The following PRKCD variants were observed in gnomAD, a reference collection of about 807,000 sequenced individuals.
PRKCD encodes protein kinase C delta type.
PRKCD carries 20 observed loss-of-function variants against 82.2 expected under a neutral mutation model. The ratio of observed to expected loss-of-function variants is 0.24; its 90% CI spans 0.17 to 0.35. PRKCD has a LOEUF of 0.35. Ranked by LOEUF, PRKCD falls within the 10% of genes least tolerant of loss-of-function variation. PRKCD has a pLI of 1.00. For synonymous variants in PRKCD, 317 were observed against 337.0 expected (o/e 0.94, Z 0.65); for missense variants, 607 against 899.0 (o/e 0.68, Z 4.15).
Position 53,169,962 on chromosome 3 carries a change from G to A in PRKCD, c.-20+4747G>A, listed in dbSNP as rs1240788749. ...TGTCCGCTGCCTGCTGTGGGATGGC[G>A]CACCATGCGGGATGGTCCTGCCTCT... On this transcript the variant is annotated intron_variant, in intron 2 of 18. Coordinates refer to ENST00000330452, the MANE Select transcript of PRKCD (RefSeq NM_006254.4). The surrounding 1 kb of genome is among the most constrained non-coding windows in gnomAD (Gnocchi z 4.7). Among the ~76,000 whole-genome samples, 2 of 152,314 alleles carry A rather than the reference G, an allele frequency of 1.3e-5. No individual in the cohort carries two copies. The highest frequency in any genetic ancestry group is 3.4e-3 in the Middle Eastern group (1 of 294).
chr3:53,186,468 G>A (rs1487987254), intron 13 of PRKCD, 128 bp downstream of exon 13: 1 of 1,371,994 alleles, frequency 7.3e-7, no homozygotes, highest in Non-Finnish European at 1.0e-6. Flanking sequence ...CCCCCCTCAT[G>A]CCTCCCAGGG....
intron 9 of PRKCD, among the ~76,000 whole-genome samples, chr3:53,184,631 C>T (rs191951549): frequency 6.7e-6 from 1 of 148,826 alleles, no homozygotes; most frequent in African/African-American, 2.5e-5. Flanking sequence ...GCCGAGATTG[C>T]GCCACTGCAC....
intron 2 of PRKCD, among the ~76,000 whole-genome samples, chr3:53,166,463 G>T (rs1277194489): frequency 2.0e-5 from 3 of 152,198 alleles, no homozygotes; most frequent in Non-Finnish European, 4.4e-5. Context: ...CAGGGATATG[G>T]CAAGCTAGGC....
In PRKCD at chr3:53,192,479, T is replaced by C; in HGVS notation, c.*213T>C. 1 of 483,246 alleles carries C rather than the reference T, an allele frequency of 2.1e-6. No individual in the cohort carries two copies. Among genetic ancestry groups the C allele is most frequent in the South Asian group, 3.4e-5 (1 of 29,292 alleles). The allele number at this position is 483,246 out of a possible 1,614,324, so 29.9% of individuals were successfully genotyped here. A position where few individuals can be genotyped will look rare whatever the true frequency, so the allele number is the denominator to read the frequency against. ...TCTGCCTTCGGAGGGAAATTGTAAA[T>C]CCTGTGTTTCATTACTTGAATGTAG... On this transcript the variant is annotated 3_prime_UTR_variant, in exon 19 of 19. Coordinates refer to ENST00000330452, the MANE Select transcript of PRKCD (RefSeq NM_006254.4).
At chr3:53,187,555 G>T (rs1217433399) in intron 15 of PRKCD, among the ~76,000 whole-genome samples, 153 bp downstream of exon 15, 1 of 152,184 alleles carries the variant, frequency 6.6e-6, no homozygotes, top group Non-Finnish European at 1.5e-5. Flanking sequence ...CTCCCACCCT[G>T]GTGTTAGCAT....
chr3:53,187,473 C>A, intron 15 of PRKCD, 71 bp downstream of exon 15: 1 of 1,533,352 alleles, frequency 6.5e-7, no homozygotes, highest in Non-Finnish European at 9.0e-7. Flanking sequence ...CTGAAATGCT[C>A]CAAGCAGGAT....
At chr3:53,191,970 G>T (rs1703939119) in intron 18 of PRKCD, 138 bp from the exon 19 acceptor site, 2 of 820,236 alleles carry the variant, frequency 2.4e-6, no homozygotes, top group Admixed American at 2.8e-5. Flanking sequence ...CTCCTTTCAG[G>T]CTGCTAGGGG....
intron 18 of PRKCD, among the ~76,000 whole-genome samples, chr3:53,190,495 A>T (rs1553670597): frequency 6.6e-6 from 1 of 152,104 alleles, no homozygotes; most frequent in Non-Finnish European, 1.5e-5. Context: ...GTCAGCAGGA[A>T]CCCAGGTGGC....
intron 2 of PRKCD, among the ~76,000 whole-genome samples, chr3:53,176,662 T>TGAAG (rs1703223522): frequency 1.3e-5 from 2 of 152,254 alleles, no homozygotes; most frequent in Non-Finnish European, 2.9e-5. Flanking sequence ...TGCACACCTG[T>TGAAG]GTGTCCTTCA....
At chr3:53,165,646 T>C (rs1559613952) in intron 2 of PRKCD, among the ~76,000 whole-genome samples, 2 of 152,152 alleles carry the variant, frequency 1.3e-5, no homozygotes, top group South Asian at 4.1e-4. Flanking sequence ...CCACAGTGGG[T>C]TGGACACTGC....
chr3:53,185,535 C>A lies in PRKCD; in HGVS notation c.889-69C>A, dbSNP rs111264059. ...TAAGGGTGGAGTTATACCTGGGAGT[C>A]TTCCTTCTGGGCTGGGAGTTCTGAT... is the stretch of plus-strand genomic sequence containing the variant. On this transcript the variant is annotated intron_variant, in intron 10 of 18. Transcript: ENST00000330452. 2.0e-3 allele frequency: 2,768 copies of A among 1,353,496 alleles called. 44 individuals carry two copies. In the African/African-American group the frequency reaches 0.033, roughly 16 times the overall value. 83.8% of individuals were successfully genotyped at this position (1,353,496 alleles called of 1,614,324 possible).
chr3:53,177,191 C>G (rs888610131), intron 2 of PRKCD, among the ~76,000 whole-genome samples: 2 of 152,136 alleles, frequency 1.3e-5, no homozygotes, highest in African/African-American at 2.4e-5. Context: ...GAGTGCACTG[C>G]GTGGCACTCT....
chr3:53,189,915 A>C lies in PRKCD; in HGVS notation c.1786A>C (p.Asn596His), dbSNP rs1277814719. 2.5e-6 allele frequency: 4 copies of C among 1,614,072 alleles called. No individual in the cohort carries two copies. Among genetic ancestry groups the C allele is most frequent in the Non-Finnish European group, 3.4e-6 (4 of 1,180,034 alleles). ...EPTKRLGVTG[N>H]IKIHPFFKTI... ...AACCAAGAGGCTGGGAGTGACCGGA[A>C]ACATCAAAATCCACCCCTTCTTCAA... Residue 596 changes from asparagine (N) to histidine (H), a missense_variant, in exon 18 of 19, where the codon AAC (asparagine) becomes CAC (histidine). Transcript: ENST00000330452.
intron 2 of PRKCD, among the ~76,000 whole-genome samples, chr3:53,167,406 C>T (rs1702869994): frequency 6.6e-6 from 1 of 152,154 alleles, no homozygotes; most frequent in Admixed American, 6.5e-5. Flanking sequence ...AGCCTGTAAG[C>T]CGAGGCTCAA....
intron 9 of PRKCD, 53 bp downstream of exon 9, chr3:53,183,634 G>A (rs1168021427): frequency 1.9e-6 from 3 of 1,601,710 alleles, no homozygotes; most frequent in Non-Finnish European, 2.6e-6. Context: ...AGCTGGTGCT[G>A]CTGTGAATTC....
At chr3:53,170,352 G>C (rs1553664631) in intron 2 of PRKCD, among the ~76,000 whole-genome samples, 1 of 152,164 alleles carries the variant, frequency 6.6e-6, no homozygotes, top group African/African-American at 2.4e-5. Flanking sequence ...CCTCTCTTTC[G>C]GTTTCTGCAC....
At chr3:53,190,076 A>G in intron 18 of PRKCD, 75 bp downstream of exon 18, 3 of 1,582,902 alleles carry the variant, frequency 1.9e-6, no homozygotes, top group Non-Finnish European at 2.6e-6. Flanking sequence ...TGCATCATTC[A>G]CACGCTTTCC....
chr3:53,189,496 C>T (rs1427593890), intron 17 of PRKCD, among the ~76,000 whole-genome samples: 1 of 152,236 alleles, frequency 6.6e-6, no homozygotes, highest in Non-Finnish European at 1.5e-5. Flanking sequence ...CAAATGCTGG[C>T]TCTGCCTGGG....
chr3:53,176,139 A>C (rs1364813156), intron 2 of PRKCD, among the ~76,000 whole-genome samples: 1 of 152,044 alleles, frequency 6.6e-6, no homozygotes, highest in African/African-American at 2.4e-5. Flanking sequence ...CAAGAGGTCA[A>C]GGGCAGCTGG....
Sources: gnomAD v4.1 joint callset for allele counts (sites outside exome capture counted in the v4.1 genomes callset) on GRCh38, gnomAD v4.1.1 for gene constraint, Gnocchi (gnomAD v3.1) non-coding constraint, MANE v1.5 for transcripts, NCBI Gene and HGNC (gene_info 2026-07-23, HGNC 2026-07-21) for gene names.